Variants in CHD9 observed in about 807,000 individuals in gnomAD.
The protein encoded by CHD9 is chromodomain helicase DNA binding protein 9.
CHD9 carries 77 observed loss-of-function variants against 316.1 expected under a neutral mutation model. The observed-to-expected ratio is 0.24, with a 90% CI of 0.20 to 0.29. CHD9 has a LOEUF of 0.29. Among genes scored for constraint, CHD9 ranks in the 10% least tolerant of loss-of-function variants. CHD9 has a pLI of 1.00. For synonymous variants in CHD9, 1,129 were observed against 1,158.3 expected (o/e 0.97, Z 0.51); for missense variants, 2,763 against 3,438.1 (o/e 0.80, Z 4.91).
chr16:53,143,357 AT>A (rs897911621), intron 1 of CHD9, among the ~76,000 whole-genome samples: 4 of 119,530 alleles, frequency 3.3e-5, no homozygotes, highest in Non-Finnish European at 7.1e-5. Flanking sequence ...ATTTTATCTT[AT>A]TTTATTTATT....
At chr16:53,301,851 C>T (rs1003214068) in intron 30 of CHD9, among the ~76,000 whole-genome samples, 7 of 150,842 alleles carry the variant, frequency 4.6e-5, no homozygotes, top group African/African-American at 9.8e-5. Flanking sequence ...CTGCAAGCTC[C>T]GCCCCCGGGT....
At chr16:53,088,060 A>G (rs974485031) in intron 1 of CHD9, among the ~76,000 whole-genome samples, 1 of 152,094 alleles carries the variant, frequency 6.6e-6, no homozygotes, top group African/African-American at 2.4e-5. Context: ...TTTGGAGTTC[A>G]AATGTTAGAG....
At chr16:53,323,840 C>T (rs2057419218) in intron 38 of CHD9, among the ~76,000 whole-genome samples, 180 bp from the exon 39 acceptor site, 1 of 152,076 alleles carries the variant, frequency 6.6e-6, no homozygotes, top group African/African-American at 2.4e-5. Context: ...AGTGGAAGAG[C>T]TGTTTGAAGC....
In CHD9 at chr16:53,205,978, G is replaced by A. The variant is rs1352370106; in HGVS notation, c.1453-3504G>A. On this transcript the variant is annotated intron_variant, in intron 2 of 38. Transcript: ENST00000447540. Reference sequence around the variant, plus strand: ...ACTTTTTTTTTTAAATTAAGACAGAGTTTCACTCTTGTTGCCCAGGCTGGA... The same window carrying A: ...ACTTTTTTTTTTAAATTAAGACAGAATTTCACTCTTGTTGCCCAGGCTGGA... 3.3e-5 allele frequency among the ~76,000 whole-genome samples: 5 copies of A among 151,800 alleles called. No homozygotes were observed. In the East Asian group the frequency reaches 9.6e-4, roughly 29 times the overall value.
At chr16:53,193,422 G>A (rs2892423) in intron 2 of CHD9, among the ~76,000 whole-genome samples, 42,276 of 151,580 alleles carry the variant, frequency 0.28, 5,980 homozygotes, top group Middle Eastern at 0.32. Context: ...GCACTCCAGC[G>A]TGGGTGACAG....
chr16:53,217,495 C>G (rs1025431513), intron 3 of CHD9, among the ~76,000 whole-genome samples: 3 of 152,158 alleles, frequency 2.0e-5, no homozygotes, highest in African/African-American at 7.2e-5. Context: ...CTCAGGTGAT[C>G]CTTTCTCCTC....
At chr16:53,194,936 G>A (rs2044768846) in intron 2 of CHD9, among the ~76,000 whole-genome samples, 3 of 152,108 alleles carry the variant, frequency 2.0e-5, no homozygotes, top group Admixed American at 6.6e-5. Context: ...TTAGTGTCAA[G>A]ACATTATTGC....
Position 53,210,980 on chromosome 16 carries a change from A to G in CHD9, c.1784+1167A>G, listed in dbSNP as rs143217268. ...CTTTTATTGTTTTTTTAGAGGTTTT[A>G]GGTATGAAAGTAACTTATTTTTCCA... On this transcript the variant is annotated intron_variant, in intron 3 of 38. Transcript: ENST00000447540. Among the ~76,000 whole-genome samples the G allele has an allele frequency of 2.3e-3, 355 of 152,188 alleles. 1 individual carries two copies. Among genetic ancestry groups the G allele is most frequent in the Non-Finnish European group, 3.9e-3 (267 of 67,938 alleles).
chr16:53,167,433 C>A, intron 2 of CHD9, among the ~76,000 whole-genome samples: 1 of 152,064 alleles, frequency 6.6e-6, no homozygotes, highest in African/African-American at 2.4e-5. Flanking sequence ...GTCCTACTTT[C>A]CTATTGTTCT....
At chr16:53,098,281 GC>G (rs1185562252) in intron 1 of CHD9, among the ~76,000 whole-genome samples, 4 of 152,036 alleles carry the variant, frequency 2.6e-5, no homozygotes, top group African/African-American at 9.7e-5. Context: ...TTCAAGACCA[GC>G]CTGGCCAACA....
chr16:53,088,441 C>G (rs1286840789), intron 1 of CHD9, among the ~76,000 whole-genome samples: 1 of 151,848 alleles, frequency 6.6e-6, no homozygotes, highest in Non-Finnish European at 1.5e-5. Flanking sequence ...CCACGCCTGG[C>G]TAATTTTTTT....
chr16:53,208,748 A>G, intron 2 of CHD9: 1 of 976,854 alleles, frequency 1.0e-6, no homozygotes, highest in Non-Finnish European at 1.2e-6. Context: ...GTATATGTGG[A>G]TGAATGCGTG....
intron 17 of CHD9, among the ~76,000 whole-genome samples, chr16:53,252,323 T>G (rs1205392912): frequency 6.6e-6 from 1 of 152,070 alleles, no homozygotes; most frequent in Non-Finnish European, 1.5e-5. Context: ...ATTCAACAAA[T>G]GGTGCTGGGA....
chr16:53,210,178 T>C (rs779902164), intron 3 of CHD9, among the ~76,000 whole-genome samples: 13 of 151,976 alleles, frequency 8.6e-5, no homozygotes, highest in Non-Finnish European at 1.9e-4. Context: ...AAATTCTTTA[T>C]AAGATTCTTT....
chr16:53,154,371 AT>A (rs1555494766), intron 1 of CHD9, among the ~76,000 whole-genome samples: 3 of 152,256 alleles, frequency 2.0e-5, no homozygotes, highest in Non-Finnish European at 4.4e-5. Context: ...TATGCAATGT[AT>A]CACTTAATCA....
chr16:53,266,377 A>G (rs1260837596), intron 20 of CHD9, among the ~76,000 whole-genome samples: 2 of 152,058 alleles, frequency 1.3e-5, no homozygotes, highest in East Asian at 1.9e-4. Context: ...CTCTCCTACC[A>G]TTTGTCCTCT....
chr16:53,128,048 C>T (rs1301706081), intron 1 of CHD9, among the ~76,000 whole-genome samples: 1 of 150,884 alleles, frequency 6.6e-6, no homozygotes, highest in East Asian at 1.9e-4. Flanking sequence ...TTTCAGTAAA[C>T]GTATCTATTG....
intron 1 of CHD9, among the ~76,000 whole-genome samples, chr16:53,155,429 C>A (rs540243151): frequency 3.9e-5 from 6 of 152,040 alleles, no homozygotes; most frequent in African/African-American, 1.4e-4. Flanking sequence ...CTCTTGTTGC[C>A]CAGGCTGGTC....
chr16:53,182,404 C>T (rs2043605268), intron 2 of CHD9, among the ~76,000 whole-genome samples: 1 of 152,060 alleles, frequency 6.6e-6, no homozygotes, highest in Admixed American at 6.6e-5. Flanking sequence ...TACTATGTTG[C>T]CCAGCCCAGG....
Sources: gnomAD v4.1 joint callset for allele counts (sites outside exome capture counted in the v4.1 genomes callset) on GRCh38, gnomAD v4.1.1 for gene constraint, MANE v1.5 for transcripts, NCBI Gene and HGNC (gene_info 2026-07-23, HGNC 2026-07-21) for gene names.